The following ANKAR variants were observed in gnomAD, a reference collection of about 807,000 sequenced individuals.
The protein encoded by ANKAR is ankyrin and armadillo repeat containing.
Under a neutral mutation model 146.2 loss-of-function variants are expected in ANKAR, and 136 were observed. The observed-to-expected ratio is 0.93, with a 90% confidence interval of 0.81 to 1.07. The LOEUF (loss-of-function observed/expected upper bound fraction) is 1.07. Among genes scored for constraint, ANKAR ranks in the 50% least tolerant of loss-of-function variants. The pLI, the probability that ANKAR is intolerant of heterozygous loss-of-function variation, is 0.00. For synonymous variants in ANKAR, 500 were observed against 575.8 expected (o/e 0.87, Z 1.88); for missense variants, 1,567 against 1,679.9 (o/e 0.93, Z 1.18).
chr2:189,717,182 A>C (rs1311243414), intron 10 of ANKAR, among the ~76,000 whole-genome samples: 2 of 152,246 alleles, frequency 1.3e-5, no homozygotes, highest in Admixed American at 1.3e-4. Context: ...AATTTTTGCA[A>C]TCTACCCATC....
At chr2:189,755,209 C>T in intron 18 of ANKAR, 2 of 1,611,806 alleles carry the variant, frequency 1.2e-6, no homozygotes, top group Non-Finnish European at 1.7e-6. Flanking sequence ...TGTCCAAAGA[C>T]TTTCCAAGAA....
At chr2:189,761,873 T>G (rs553448338), downstream of ANKAR, among the ~76,000 whole-genome samples, 9 of 152,324 alleles carry the variant, frequency 5.9e-5, no homozygotes, top group African/African-American at 2.2e-4. Context: ...TTTTTTAGTA[T>G]TATTATTACT....
At chr2:189,705,963 C>T (rs2038874783) in intron 8 of ANKAR, among the ~76,000 whole-genome samples, 1 of 151,568 alleles carries the variant, frequency 6.6e-6, no homozygotes, top group African/African-American at 2.4e-5. Flanking sequence ...ATTCAGTGGT[C>T]TAGGGCTAGT....
chr2:189,751,884 AC>A (rs1299147873), intron 18 of ANKAR, among the ~76,000 whole-genome samples: 3 of 151,278 alleles, frequency 2.0e-5, no homozygotes, highest in Non-Finnish European at 4.4e-5. Flanking sequence ...GGTGGCTCAC[AC>A]CTGTCATCCC....
intron 18 of ANKAR, among the ~76,000 whole-genome samples, chr2:189,751,906 G>A (rs1445944425): frequency 6.6e-6 from 1 of 151,584 alleles, no homozygotes; most frequent in Non-Finnish European, 1.5e-5. Flanking sequence ...AGCATTTTGG[G>A]AGGCCGAGGT....
chr2:189,756,756 C>G (rs2046147132), intron 18 of ANKAR, among the ~76,000 whole-genome samples: 1 of 152,190 alleles, frequency 6.6e-6, no homozygotes. Context: ...AAGCCCTCAT[C>G]TCAGTCTGTT....
At chr2:189,694,054 A>G (rs1343564949) in intron 5 of ANKAR, among the ~76,000 whole-genome samples, 1 of 151,630 alleles carries the variant, frequency 6.6e-6, no homozygotes, top group Non-Finnish European at 1.5e-5. Flanking sequence ...TGTCCATAAG[A>G]CCCTATCTCT....
intron 10 of ANKAR, among the ~76,000 whole-genome samples, chr2:189,717,668 C>T (rs1574587994): frequency 6.6e-6 from 1 of 152,128 alleles, no homozygotes; most frequent in East Asian, 1.9e-4. Flanking sequence ...TTCACAATAG[C>T]AAAAACTTGG....
Position 189,689,609 on chromosome 2 carries a change from C to A in ANKAR, c.684C>A (p.Asn228Lys). The change falls in exon 3 of 23, where the codon AAC (asparagine) becomes AAA (lysine). Residue 228 changes from asparagine to lysine, a missense_variant. By Grantham distance (94) the Asn-to-Lys change is moderately conservative (BLOSUM62 0). Transcript: ENST00000684021. ...DVNEDPTYDP[N>K]SPEETAVFMK... ...ATGAAGATCCAACATATGATCCCAA[C>A]AGCCCTGAAGAAACAGCTGTATTTA... is the stretch of plus-strand genomic sequence containing the variant. 1.2e-6 allele frequency: 2 copies of A among 1,613,602 alleles called. No homozygotes were observed. Among genetic ancestry groups the A allele is most frequent in the Admixed American group, 1.7e-5 (1 of 59,968 alleles).
At chr2:189,691,545 C>T (rs1212343696) in intron 3 of ANKAR, among the ~76,000 whole-genome samples, 2 of 151,908 alleles carry the variant, frequency 1.3e-5, no homozygotes, top group Non-Finnish European at 1.5e-5. Flanking sequence ...CTGGTCCTTT[C>T]TTATAATTGG....
chr2:189,687,493 G>A (rs897705155), intron 2 of ANKAR, among the ~76,000 whole-genome samples: 2 of 152,174 alleles, frequency 1.3e-5, no homozygotes, highest in African/African-American at 4.8e-5. Flanking sequence ...TGGGATTGCT[G>A]TATCATACGG....
intron 18 of ANKAR, among the ~76,000 whole-genome samples, chr2:189,738,266 A>G (rs1191079828): frequency 6.6e-6 from 1 of 152,028 alleles, no homozygotes; most frequent in Non-Finnish European, 1.5e-5. Context: ...CTCTCTCTTC[A>G]TTTTCTATCC....
intron 12 of ANKAR, among the ~76,000 whole-genome samples, chr2:189,725,468 G>A (rs2041778522): frequency 6.6e-6 from 1 of 152,092 alleles, no homozygotes; most frequent in Non-Finnish European, 1.5e-5. Flanking sequence ...GGTATATGGT[G>A]AGTCAGGAAC....
At chr2:189,722,601 C>T (rs893018651) in intron 12 of ANKAR, among the ~76,000 whole-genome samples, 2 of 151,646 alleles carry the variant, frequency 1.3e-5, no homozygotes, top group African/African-American at 2.4e-5. Context: ...AAAACTATAG[C>T]ACCGGGTGTG....
At chr2:189,739,654 C>G (rs1270444519) in intron 19 of ANKAR, among the ~76,000 whole-genome samples, 2 of 151,610 alleles carry the variant, frequency 1.3e-5, no homozygotes, top group Non-Finnish European at 2.9e-5. Flanking sequence ...ACCTCCGCCT[C>G]CCAGGTTCAA....
At position 189,743,378 on chromosome 2, in the gene ANKAR, G is replaced by T. The variant is rs370066217; in HGVS notation, c.3914G>T (p.Arg1305Leu). ...ECRNKPNQFI[R>L]IKNNISRDAS... is the part of the protein sequence containing the mutation. ...AGGAATAAACCTAATCAGTTCATTC[G>T]TATAAAAAATAATATCAGCAGAGAT... The change falls in exon 21 of 23, where the codon CGT becomes CTT. Residue 1305 changes from arginine to leucine, a missense_variant. Coordinates refer to ENST00000684021, the MANE Select transcript of ANKAR (RefSeq NM_001378068.1). The T allele has an allele frequency of 6.2e-7, 1 of 1,613,784 alleles. No homozygotes were observed. Among genetic ancestry groups the T allele is most frequent in the East Asian group, 2.2e-5 (1 of 44,852 alleles).
At chr2:189,731,486 G>T (rs547855564) in intron 16 of ANKAR, among the ~76,000 whole-genome samples, 5 of 147,900 alleles carry the variant, frequency 3.4e-5, no homozygotes, top group African/African-American at 1.2e-4. Flanking sequence ...TGATTCTCCT[G>T]CCTCGGCCTC....
intron 6 of ANKAR, among the ~76,000 whole-genome samples, 154 bp downstream of exon 6, chr2:189,695,315 A>G (rs1282327733): frequency 6.6e-6 from 1 of 152,230 alleles, no homozygotes; most frequent in Admixed American, 6.5e-5. Flanking sequence ...AGGCTATACA[A>G]TTCTGGATTA....
At chr2:189,688,124 G>A (rs1478203010) in intron 2 of ANKAR, among the ~76,000 whole-genome samples, 1 of 152,094 alleles carries the variant, frequency 6.6e-6, no homozygotes, top group African/African-American at 2.4e-5. Flanking sequence ...AATCCATTTT[G>A]ATTTGATGTT....
Sources: allele counts gnomAD v4.1 joint callset (sites outside exome capture counted in the v4.1 genomes callset), GRCh38; gene constraint gnomAD v4.1.1; transcripts MANE v1.5; gene names NCBI Gene and HGNC (gene_info 2026-07-23, HGNC 2026-07-21).